The following CCDC148 variants were observed in gnomAD, a reference collection of about 807,000 sequenced individuals.
The protein encoded by CCDC148 is coiled-coil domain-containing protein 148.
Under a neutral mutation model 85.7 loss-of-function variants are expected in CCDC148, and 89 were observed. That is an observed-to-expected ratio of 1.04 (90% CI 0.87 to 1.24). CCDC148 has a LOEUF of 1.24. Among genes scored for constraint, CCDC148 ranks in the 50% most tolerant of loss-of-function variants. The pLI, the probability that CCDC148 is intolerant of heterozygous loss-of-function variation, is 0.00. For missense variants in CCDC148, 692 were observed against 671.7 expected, an observed-to-expected ratio of 1.03 and a Z score of -0.33; for synonymous variants, 230 against 213.9, an observed-to-expected ratio of 1.08 and a Z score of -0.66.
rs540511867 is a variant in CCDC148 at position 158,411,558 on chromosome 2, T to A, written c.25+44857A>T. On this transcript the variant is annotated intron_variant, in intron 1 of 13. Coordinates refer to ENST00000283233, the MANE Select transcript of CCDC148 (RefSeq NM_138803.4). The stretch of plus-strand genomic sequence containing the variant: ...TTCATTGTTATTTCTATTCCTTTGT[T>A]GAACTCATTTTGATTATGTATTGTT... 1.6e-4 allele frequency among the ~76,000 whole-genome samples: 24 copies of A among 152,262 alleles called. No homozygotes were observed. In the South Asian group the frequency reaches 3.9e-3, roughly 25 times the overall value.
intron 11 of CCDC148, among the ~76,000 whole-genome samples, chr2:158,209,560 G>A (rs1686442364): frequency 6.6e-6 from 1 of 152,196 alleles, no homozygotes; most frequent in Admixed American, 6.5e-5. Context: ...AAGGTTGCCA[G>A]AGAGAAAGGT....
chr2:158,238,818 C>A (rs1426341653), intron 10 of CCDC148, among the ~76,000 whole-genome samples: 1 of 152,028 alleles, frequency 6.6e-6, no homozygotes, highest in Admixed American at 6.6e-5. Flanking sequence ...TTAAAGCGAC[C>A]CGAAAGTAAA....
intron 7 of CCDC148, among the ~76,000 whole-genome samples, chr2:158,331,447 T>C (rs1004160625): frequency 1.3e-5 from 2 of 152,242 alleles, no homozygotes; most frequent in East Asian, 3.8e-4. Context: ...AATTTTGGAA[T>C]AAGTGTGGTG....
At chr2:158,188,200 A>G (rs1685245750) in intron 11 of CCDC148, among the ~76,000 whole-genome samples, 1 of 152,008 alleles carries the variant, frequency 6.6e-6, no homozygotes, top group African/African-American at 2.4e-5. Context: ...AGATGGCTGC[A>G]ACAATTTTAG....
intron 1 of CCDC148, among the ~76,000 whole-genome samples, chr2:158,430,650 T>A (rs1687304273): frequency 6.6e-6 from 1 of 152,194 alleles, no homozygotes; most frequent in South Asian, 2.1e-4. Context: ...GATAAATATT[T>A]AAGGTGATGT....
intron 10 of CCDC148, among the ~76,000 whole-genome samples, chr2:158,238,360 G>T (rs1173033856): frequency 6.6e-6 from 1 of 151,974 alleles, no homozygotes; most frequent in Non-Finnish European, 1.5e-5. Context: ...GGAGGTAAGG[G>T]GTACAGATTC....
In CCDC148 at chr2:158,268,296, C is replaced by T. The variant is rs368961563; in HGVS notation, c.1111-17384G>A. Among the ~76,000 whole-genome samples, 26 of 152,152 alleles carry T rather than the reference C, an allele frequency of 1.7e-4. No individual in the cohort carries two copies. The East Asian group carries it at 1.9e-3, about 11-fold the overall frequency. On this transcript the variant is annotated intron_variant, in intron 9 of 13. Coordinates refer to ENST00000283233, the MANE Select transcript of CCDC148 (RefSeq NM_138803.4). ...TTTCTGGGGGAGAGGGGTTGATTTA[C>T]GCCCTCTTATAGGGTGTAGTAATAT...
At chr2:158,214,899 G>A (rs968386794) in intron 11 of CCDC148, among the ~76,000 whole-genome samples, 1 of 151,984 alleles carries the variant, frequency 6.6e-6, no homozygotes, top group Non-Finnish European at 1.5e-5. Flanking sequence ...TTTGGTATAC[G>A]TGTCAGCTCT....
chr2:158,448,609 G>C (rs979990659), intron 1 of CCDC148, among the ~76,000 whole-genome samples: 1 of 152,096 alleles, frequency 6.6e-6, no homozygotes, highest in Admixed American at 6.6e-5. Flanking sequence ...CTTCCAAAGT[G>C]CTGGGATCAC....
rs1692151515 is a variant in CCDC148 at position 158,313,771 on chromosome 2, T to C, written c.888A>G (p.Lys296=). 5.0e-6 allele frequency: 8 copies of C among 1,613,686 alleles called. No individual in the cohort carries two copies. The highest frequency in any genetic ancestry group is 6.8e-6 in the Non-Finnish European group (8 of 1,179,824). The part of the protein sequence containing the change: ...LDMLQRYFPH[K]SRHDLVEHEK... The stretch of plus-strand genomic sequence containing the variant: ...CAGTACTCACCAAATCATGCCTAGA[T>C]TTGTGAGGAAAATATCTTTGTAACA... Residue 296 remains lysine (K), a synonymous_variant, in exon 8 of 14, where the codon AAA becomes AAG. Transcript: ENST00000283233.
At chr2:158,200,197 G>T (rs1017475139) in intron 11 of CCDC148, among the ~76,000 whole-genome samples, 5 of 152,136 alleles carry the variant, frequency 3.3e-5, no homozygotes, top group Non-Finnish European at 7.3e-5. Flanking sequence ...CATCTCACTG[G>T]TTTATTTCAG....
At chr2:158,202,930 G>A (rs757927460) in intron 11 of CCDC148, among the ~76,000 whole-genome samples, 3 of 152,114 alleles carry the variant, frequency 2.0e-5, no homozygotes, top group African/African-American at 2.4e-5. Flanking sequence ...AAGGAAAGGG[G>A]CTCTCTTAGA....
intron 1 of CCDC148, among the ~76,000 whole-genome samples, chr2:158,434,529 A>T (rs935473283): frequency 1.3e-5 from 2 of 152,242 alleles, no homozygotes; most frequent in Non-Finnish European, 2.9e-5. Context: ...TAACCAGAGC[A>T]GAAAAGCTGA....
chr2:158,365,106 A>G (rs1156382807), intron 1 of CCDC148, among the ~76,000 whole-genome samples: 1 of 152,226 alleles, frequency 6.6e-6, no homozygotes, highest in Non-Finnish European at 1.5e-5. Flanking sequence ...CCACAATGAG[A>G]TACCATCTCA....
chr2:158,438,067 T>A lies in CCDC148; in HGVS notation c.25+18348A>T, dbSNP rs947305181. 5.3e-5 allele frequency among the ~76,000 whole-genome samples: 8 copies of A among 152,136 alleles called. No homozygotes were observed. The South Asian group carries it at 6.2e-4, about 12-fold the overall frequency. ...ATATTGCCCAAGGTAATTTATAGAT[T>A]CAATGCCATCCCCATCAAGCTACCA... On this transcript the variant is annotated intron_variant, in intron 1 of 13. Transcript: ENST00000283233.
At chr2:158,396,060 T>G (rs1334661030) in intron 1 of CCDC148, among the ~76,000 whole-genome samples, 3 of 152,106 alleles carry the variant, frequency 2.0e-5, no homozygotes, top group African/African-American at 2.4e-5. Flanking sequence ...CTTATTGTAT[T>G]GTGTCATCAC....
intron 11 of CCDC148, among the ~76,000 whole-genome samples, chr2:158,205,780 G>C (rs1686210706): frequency 6.6e-6 from 1 of 152,134 alleles, no homozygotes; most frequent in Non-Finnish European, 1.5e-5. Context: ...CAGAACAAGA[G>C]AAAGCTGTCC....
intron 10 of CCDC148, among the ~76,000 whole-genome samples, chr2:158,224,660 A>C (rs1238273652): frequency 1.3e-5 from 2 of 152,226 alleles, no homozygotes; most frequent in African/African-American, 4.8e-5. Context: ...AACATTCTTA[A>C]AGAAAAGAAT....
chr2:158,435,445 C>A (rs1293105107), intron 1 of CCDC148, among the ~76,000 whole-genome samples: 1 of 152,146 alleles, frequency 6.6e-6, no homozygotes, highest in Non-Finnish European at 1.5e-5. Context: ...TTTGCCACCA[C>A]CAGTCCTGCC....
Sources: allele counts gnomAD v4.1 joint callset (sites outside exome capture counted in the v4.1 genomes callset), GRCh38; gene constraint gnomAD v4.1.1; transcripts MANE v1.5; gene names NCBI Gene and HGNC (gene_info 2026-07-23, HGNC 2026-07-21).